KLHL8: variants seen among roughly 807,000 people sequenced by gnomAD.
KLHL8 encodes the protein kelch-like protein 8.
In KLHL8, 38 loss-of-function variants were observed where a neutral mutation model predicts 63.5. The ratio of observed to expected loss-of-function variants is 0.60; its 90% CI spans 0.46 to 0.78. The LOEUF (loss-of-function observed/expected upper bound fraction) is 0.78. KLHL8 is among the 30% of genes least tolerant of loss of function. The pLI, the probability that KLHL8 is intolerant of heterozygous loss-of-function variation, is 0.00. For missense variants in KLHL8, 566 were observed against 752.4 expected, an observed-to-expected ratio of 0.75 and a Z score of 2.90; for synonymous variants, 224 against 254.3, an observed-to-expected ratio of 0.88 and a Z score of 1.13.
chr4:87,182,994 GGACT>G (rs145041215), intron 4 of KLHL8, among the ~76,000 whole-genome samples: 4,927 of 152,254 alleles, frequency 0.032, 123 homozygotes, highest in Middle Eastern at 0.068. Flanking sequence ...AGAGTATACA[GGACT>G]GATTACGGCT....
chr4:87,217,712 C>T (rs1732655788), intron 1 of KLHL8, among the ~76,000 whole-genome samples: 1 of 145,578 alleles, frequency 6.9e-6, no homozygotes, highest in South Asian at 2.3e-4. Flanking sequence ...TGGTCTCAAA[C>T]TCCTGGGCTC....
intron 1 of KLHL8, among the ~76,000 whole-genome samples, chr4:87,203,995 G>C (rs1303731129): frequency 1.3e-5 from 2 of 152,262 alleles, no homozygotes; most frequent in East Asian, 3.9e-4. Context: ...CACTTCACCA[G>C]TGAAGACACA....
Position 87,195,371 on chromosome 4 carries a change from G to A in KLHL8, c.169C>T (p.Leu57Phe), listed in dbSNP as rs2110013675. 2 of 1,613,272 alleles carry A rather than the reference G, an allele frequency of 1.2e-6. No homozygotes were observed. Among genetic ancestry groups the A allele is most frequent in the Non-Finnish European group, 1.7e-6 (2 of 1,179,888 alleles). ...NEAWKDFHGSLLRFYENGELC... is the reference protein window; with the variant it reads ...NEAWKDFHGSFLRFYENGELC... ...TCTCCATTTTCATAAAATCGAAGAA[G>A]AGAACCATGAAAATCTTTCCAAGCT... is the stretch of plus-strand genomic sequence containing the variant. Residue 57 changes from leucine to phenylalanine, a missense_variant, in exon 2 of 10, where the codon CTT becomes TTT. Coordinates refer to ENST00000273963, the MANE Select transcript of KLHL8 (RefSeq NM_020803.5).
chr4:87,209,789 AT>A (rs1420227012), intron 1 of KLHL8, among the ~76,000 whole-genome samples: 2 of 151,772 alleles, frequency 1.3e-5, no homozygotes, highest in African/African-American at 4.8e-5. Context: ...CTACACATTA[AT>A]CAAAAGACTA....
intron 1 of KLHL8, among the ~76,000 whole-genome samples, chr4:87,201,394 A>G (rs1731914061): frequency 2.0e-5 from 3 of 152,192 alleles, no homozygotes; most frequent in Admixed American, 2.0e-4. Flanking sequence ...ACAAAGCAAA[A>G]CCAAAAAGAA....
At chr4:87,197,982 A>C (rs1240309394) in intron 1 of KLHL8, among the ~76,000 whole-genome samples, 1 of 150,436 alleles carries the variant, frequency 6.6e-6, no homozygotes, top group Non-Finnish European at 1.5e-5. Context: ...ATAAATAAAT[A>C]AAGCCATGTT....
rs1730195134 is a variant in KLHL8 at position 87,162,020 on chromosome 4, G to A, written c.*1499C>T. The A allele has an allele frequency of 6.6e-6, 1 of 151,634 alleles. No homozygotes were observed. Among genetic ancestry groups the A allele is most frequent in the Non-Finnish European group, 1.5e-5 (1 of 68,006 alleles). The allele number at this position is 151,634 out of a possible 1,614,324, so 9.4% of individuals were successfully genotyped here. A position where few individuals can be genotyped will look rare whatever the true frequency, so the allele number is the denominator to read the frequency against. ...TGTGGCTTTCCACACTATTGTAGAA[G>A]TCCAGAATCCCATTTAATAAGATGC... On this transcript the variant is annotated 3_prime_UTR_variant, in exon 10 of 10. Coordinates refer to ENST00000273963, the MANE Select transcript of KLHL8 (RefSeq NM_020803.5).
chr4:87,206,758 T>C (rs1212889819), intron 1 of KLHL8, among the ~76,000 whole-genome samples: 1 of 152,250 alleles, frequency 6.6e-6, no homozygotes, highest in Non-Finnish European at 1.5e-5. Context: ...AATTCCTTTT[T>C]ATGAATTATT....
chr4:87,213,811 C>T (rs749379387), intron 1 of KLHL8, among the ~76,000 whole-genome samples: 1 of 152,104 alleles, frequency 6.6e-6, no homozygotes, highest in African/African-American at 2.4e-5. Flanking sequence ...TGTTGCCTTG[C>T]TTTTGAGAGA....
chr4:87,174,172 G>C (rs1206664844), intron 6 of KLHL8, among the ~76,000 whole-genome samples: 1 of 151,332 alleles, frequency 6.6e-6, no homozygotes, highest in Non-Finnish European at 1.5e-5. Flanking sequence ...GTTCAGGTTT[G>C]TTTCTTTTAA....
rs1356834104 is a variant in KLHL8 at position 87,170,246 on chromosome 4, AAG to A, written c.1378-10_1378-9del. On this transcript the variant is annotated splice_polypyrimidine_tract_variant and intron_variant, in intron 7 of 9. Coordinates refer to ENST00000273963, the MANE Select transcript of KLHL8 (RefSeq NM_020803.5). ...TACTGCATAAACATGGTTCTAAATG[AAG>A]AGAGTCAAACAAAACACATTAGATT... 3.7e-6 allele frequency: 6 copies of A among 1,602,522 alleles called. No homozygotes were observed. The highest frequency in any genetic ancestry group is 4.3e-6 in the Non-Finnish European group (5 of 1,175,394).
chr4:87,214,144 A>G (rs1732502023), intron 1 of KLHL8, among the ~76,000 whole-genome samples: 1 of 151,910 alleles, frequency 6.6e-6, no homozygotes, highest in Non-Finnish European at 1.5e-5. Flanking sequence ...TATGCTTTAT[A>G]ATGCTCTACA....
chr4:87,193,673 T>C (rs1731581431), intron 2 of KLHL8, among the ~76,000 whole-genome samples: 1 of 152,202 alleles, frequency 6.6e-6, no homozygotes, highest in Non-Finnish European at 1.5e-5. Context: ...CCATGTGTTA[T>C]ACCTTTTATA....
At chr4:87,228,422 G>A (rs1156680245) in intron 1 of KLHL8, among the ~76,000 whole-genome samples, 1 of 152,128 alleles carries the variant, frequency 6.6e-6, no homozygotes, top group African/African-American at 2.4e-5. Flanking sequence ...TGTGGAGTTG[G>A]CACTAACTTT....
chr4:87,180,608 C>A (rs1020710069), intron 4 of KLHL8, among the ~76,000 whole-genome samples: 9 of 152,190 alleles, frequency 5.9e-5, no homozygotes, highest in African/African-American at 2.2e-4. Context: ...TATGTGCCTG[C>A]ATTTCTTATG....
intron 5 of KLHL8, among the ~76,000 whole-genome samples, chr4:87,177,779 T>A (rs1360660017): frequency 1.3e-5 from 2 of 152,062 alleles, no homozygotes; most frequent in African/African-American, 4.8e-5. Flanking sequence ...GCTAAATTTT[T>A]AAATTTTTGT....
chr4:87,229,029 A>G (rs1348524630), intron 1 of KLHL8, among the ~76,000 whole-genome samples: 3 of 152,222 alleles, frequency 2.0e-5, no homozygotes, highest in Non-Finnish European at 4.4e-5. Context: ...AAAAATTATA[A>G]TTGCATTTCT....
intron 1 of KLHL8, among the ~76,000 whole-genome samples, chr4:87,236,662 T>TC (rs1733236181): frequency 8.0e-6 from 1 of 124,228 alleles, no homozygotes; most frequent in Non-Finnish European, 1.7e-5. Context: ...CTGTACTGTG[T>TC]CTTTTTTTTT....
At chr4:87,182,130 G>A (rs1232225426) in intron 4 of KLHL8, among the ~76,000 whole-genome samples, 1 of 150,556 alleles carries the variant, frequency 6.6e-6, no homozygotes. Context: ...TCAGGAGGCT[G>A]AGGCAGAAGA....
Sources: allele counts gnomAD v4.1 joint callset (sites outside exome capture counted in the v4.1 genomes callset), GRCh38; gene constraint gnomAD v4.1.1; transcripts MANE v1.5; gene names NCBI Gene and HGNC (gene_info 2026-07-23, HGNC 2026-07-21).